Variants in TBC1D19 observed in about 807,000 individuals in gnomAD.
TBC1D19 encodes TBC1 domain family member 19, also known as TBC1 domain family, member 19.
TBC1D19 carries 60 observed loss-of-function variants against 89.0 expected under a neutral mutation model. The observed-to-expected ratio is 0.67, with a 90% CI of 0.55 to 0.84. The LOEUF is 0.84. TBC1D19 is among the 40% of genes least tolerant of loss of function. TBC1D19 has a pLI of 0.00. For missense variants in TBC1D19, 500 were observed against 610.8 expected (o/e 0.82, Z 1.91); for synonymous variants, 189 against 199.7 (o/e 0.95, Z 0.45).
At chr4:26,692,668 T>C (rs1330225090) in intron 13 of TBC1D19, among the ~76,000 whole-genome samples, 3 of 152,184 alleles carry the variant, frequency 2.0e-5, no homozygotes, top group Non-Finnish European at 4.4e-5. Flanking sequence ...AAGATTTTAA[T>C]AGCAAACACT....
chr4:26,755,396 G>A lies in TBC1D19; in HGVS notation c.*449G>A, dbSNP rs774165072. 6.6e-6 allele frequency: 1 copy of A among 152,226 alleles called. No individual in the cohort carries two copies. Among genetic ancestry groups the A allele is most frequent in the Non-Finnish European group, 1.5e-5 (1 of 67,984 alleles). The allele number at this position is 152,226 out of a possible 1,614,324, so 9.4% of individuals were successfully genotyped here. A position where few individuals can be genotyped will look rare whatever the true frequency, so the allele number is the denominator to read the frequency against. On this transcript the variant is annotated 3_prime_UTR_variant, in exon 21 of 21. Transcript: ENST00000264866. ...TTGCTCCTCACTAAGAGCCAGGGGTGGGGTAGGGTGTGAGAACACTTGAAA... is the reference window on the plus strand; with the variant it reads ...TTGCTCCTCACTAAGAGCCAGGGGTAGGGTAGGGTGTGAGAACACTTGAAA...
At chr4:26,611,028 C>T (rs1365730301) in intron 1 of TBC1D19, among the ~76,000 whole-genome samples, 1 of 152,110 alleles carries the variant, frequency 6.6e-6, no homozygotes, top group Non-Finnish European at 1.5e-5. Context: ...CTTCAAACTG[C>T]TTTCCCCAAT....
intron 7 of TBC1D19, among the ~76,000 whole-genome samples, chr4:26,655,460 G>T (rs2109060289): frequency 6.6e-6 from 1 of 152,358 alleles, no homozygotes; most frequent in Non-Finnish European, 1.5e-5. Context: ...GCGATGCCCT[G>T]CCCGCAGAGG....
At chr4:26,627,478 A>G (rs1577830646) in intron 4 of TBC1D19, among the ~76,000 whole-genome samples, 1 of 152,066 alleles carries the variant, frequency 6.6e-6, no homozygotes, top group African/African-American at 2.4e-5. Context: ...GACTTCCACA[A>G]TGGTTGAACT....
Position 26,590,796 on chromosome 4 carries a change from GTTTTTTTTTTTTTT to G in TBC1D19, c.99+6522_99+6535del, listed in dbSNP as rs869124166. ...GGTTCACTCTTTGTCTTGCAGGTCT[GTTTTTTTTTTTTTT>G]TTTTTTTTTTTTTTTTTGTGAGTCA... On this transcript the variant is annotated intron_variant, in intron 1 of 20. Coordinates refer to ENST00000264866, the MANE Select transcript of TBC1D19 (RefSeq NM_018317.4). 4.9e-4 allele frequency among the ~76,000 whole-genome samples: 26 copies of G among 52,962 alleles called. No homozygotes were observed. The East Asian group carries it at 5.2e-3, about 11-fold the overall frequency. The allele number at this position is 52,962 out of a possible 152,430, so 34.7% of individuals were successfully genotyped here.
chr4:26,841,058 C>A, the TBC1D19 span, among the ~76,000 whole-genome samples: 2 of 152,176 alleles, frequency 1.3e-5, no homozygotes, highest in Non-Finnish European at 2.9e-5. Flanking sequence ...CAAGGCCTGG[C>A]AACAGTGGCT....
chr4:26,816,001 C>T, the TBC1D19 span, among the ~76,000 whole-genome samples: 1 of 152,178 alleles, frequency 6.6e-6, no homozygotes. Context: ...CAGAGGAGTT[C>T]TCTCCACAGG....
intron 15 of TBC1D19, among the ~76,000 whole-genome samples, chr4:26,732,483 G>C (rs1048764676): frequency 2.0e-5 from 3 of 152,122 alleles, no homozygotes; most frequent in African/African-American, 7.2e-5. Context: ...ACAGTTCTTA[G>C]AACAGTGTCT....
At chr4:26,684,183 A>C (rs181640357) in intron 12 of TBC1D19, among the ~76,000 whole-genome samples, 1 of 152,300 alleles carries the variant, frequency 6.6e-6, no homozygotes, top group Admixed American at 6.5e-5. Flanking sequence ...GGCTAAGTAT[A>C]TCTCAGGTTT....
chr4:26,626,871 ATTTTATTTTTTATTT>A (rs1281154634), intron 4 of TBC1D19, among the ~76,000 whole-genome samples: 3 of 137,332 alleles, frequency 2.2e-5, no homozygotes, highest in Non-Finnish European at 4.8e-5. Context: ...ATTTTTATTT[ATTTTATTTTTTATTT>A]TTTTATTTTA....
chr4:26,827,867 T>A, the TBC1D19 span, among the ~76,000 whole-genome samples: 7 of 152,156 alleles, frequency 4.6e-5, no homozygotes, highest in East Asian at 1.3e-3. Context: ...AATACAGGCA[T>A]GTGTGCCGCT....
intron 16 of TBC1D19, among the ~76,000 whole-genome samples, chr4:26,735,778 C>T (rs929539750): frequency 3.9e-5 from 6 of 152,104 alleles, no homozygotes; most frequent in African/African-American, 4.8e-5. Context: ...TGGTGGCTCA[C>T]GCTTGTAATC....
chr4:26,679,142 A>C (rs1280206004), intron 11 of TBC1D19, among the ~76,000 whole-genome samples: 1 of 152,166 alleles, frequency 6.6e-6, no homozygotes, highest in African/African-American at 2.4e-5. Flanking sequence ...TGCCAAGACC[A>C]TGGGGAAAAT....
At chr4:26,594,637 T>A (rs1740077200) in intron 1 of TBC1D19, among the ~76,000 whole-genome samples, 1 of 152,186 alleles carries the variant, frequency 6.6e-6, no homozygotes, top group Non-Finnish European at 1.5e-5. Flanking sequence ...TGAATAACTG[T>A]CTTTATTTCT....
chr4:26,676,991 T>C (rs1368717501), intron 11 of TBC1D19, among the ~76,000 whole-genome samples: 2 of 152,162 alleles, frequency 1.3e-5, no homozygotes, highest in African/African-American at 4.8e-5. Context: ...CTCTCTTTTC[T>C]AAACTTTAAA....
chr4:26,782,281 G>A, the TBC1D19 span, among the ~76,000 whole-genome samples: 1 of 152,172 alleles, frequency 6.6e-6, no homozygotes, highest in African/African-American at 2.4e-5. Flanking sequence ...GAGCAGAGTA[G>A]GATTCCAAGG....
intron 1 of TBC1D19, among the ~76,000 whole-genome samples, chr4:26,604,593 G>A (rs183121278): frequency 2.6e-5 from 4 of 151,620 alleles, no homozygotes; most frequent in African/African-American, 7.3e-5. Context: ...ACTATGGGCC[G>A]GGCATGGTGG....
chr4:26,607,579 A>G (rs79803741), intron 1 of TBC1D19, among the ~76,000 whole-genome samples: 3,243 of 152,274 alleles, frequency 0.021, 108 homozygotes, highest in African/African-American at 0.073. Flanking sequence ...ACTCTCATTT[A>G]GTCCCAAGTG....
At chr4:26,850,034 C>T in the TBC1D19 span, among the ~76,000 whole-genome samples, 1 of 152,010 alleles carries the variant, frequency 6.6e-6, no homozygotes, top group South Asian at 2.1e-4. Context: ...CTCATTTAAA[C>T]CTCAAGACAG....
Sources: gnomAD v4.1 joint callset for allele counts (sites outside exome capture counted in the v4.1 genomes callset) on GRCh38, gnomAD v4.1.1 for gene constraint, MANE v1.5 for transcripts, NCBI Gene and HGNC (gene_info 2026-07-23, HGNC 2026-07-21) for gene names.